SLC25A26: variants seen among roughly 807,000 people sequenced by gnomAD.
SLC25A26 encodes the protein mitochondrial S-adenosylmethionine carrier protein.
SLC25A26 carries 36 observed loss-of-function variants against 37.8 expected under a neutral mutation model. The observed-to-expected ratio is 0.95, with a 90% CI of 0.73 to 1.26. SLC25A26 has a LOEUF of 1.26. Among genes scored for constraint, SLC25A26 ranks in the 50% most tolerant of loss-of-function variants. The pLI, the probability that SLC25A26 is intolerant of heterozygous loss-of-function variation, is 0.00. For synonymous variants in SLC25A26, 129 were observed against 122.5 expected (o/e 1.05, Z -0.35); for missense variants, 390 against 331.1 (o/e 1.18, Z -1.38).
At chr3:66,137,217 C>CTTTTTTT (rs528438794) in intron 1 of SLC25A26, among the ~76,000 whole-genome samples, 2 of 118,838 alleles carry the variant, frequency 1.7e-5, no homozygotes, top group African/African-American at 3.3e-5. Flanking sequence ...GATTTTCTTT[C>CTTTTTTT]TTTTTTTTTT....
At chr3:66,196,839 T>C (rs2071050920) in intron 1 of SLC25A26, among the ~76,000 whole-genome samples, 1 of 152,156 alleles carries the variant, frequency 6.6e-6, no homozygotes, top group East Asian at 1.9e-4. Context: ...AAGAGACACC[T>C]AGAGGACAGA....
intron 5 of SLC25A26, among the ~76,000 whole-genome samples, chr3:66,331,918 T>G (rs997627442): frequency 6.6e-6 from 1 of 151,964 alleles, no homozygotes; most frequent in Non-Finnish European, 1.5e-5. Context: ...CCAAAAAGTT[T>G]TTTGTTTTTT....
intron 3 of SLC25A26, among the ~76,000 whole-genome samples, chr3:66,247,264 T>G (rs2072891445): frequency 7.3e-6 from 1 of 137,124 alleles, no homozygotes; most frequent in Non-Finnish European, 1.5e-5. Flanking sequence ...AATATAAATA[T>G]AAATATATAT....
In SLC25A26 at chr3:66,352,429, T is replaced by G. The variant is rs978211228; in HGVS notation, c.498+6021T>G. ...GCCTAGCGCCTCCCCTCGTTTTTTGTTTTTTGTTTTTTGTTTTTTTTTTTG... is the reference window on the plus strand; with the variant it reads ...GCCTAGCGCCTCCCCTCGTTTTTTGGTTTTTGTTTTTTGTTTTTTTTTTTG... On this transcript the variant is annotated intron_variant, in intron 6 of 9. Coordinates refer to ENST00000354883, the MANE Select transcript of SLC25A26 (RefSeq NM_001379210.1). Among the ~76,000 whole-genome samples the G allele has an allele frequency of 7.1e-5, 9 of 126,348 alleles. 1 individual carries two copies. Among genetic ancestry groups the G allele is most frequent in the African/African-American group, 2.6e-4 (7 of 27,374 alleles). 82.9% of individuals were successfully genotyped at this position (126,348 alleles called of 152,430 possible).
chr3:66,285,930 A>G (rs1467953925), intron 5 of SLC25A26, among the ~76,000 whole-genome samples: 2 of 152,160 alleles, frequency 1.3e-5, no homozygotes, highest in Non-Finnish European at 2.9e-5. Context: ...GCTGTTTCTC[A>G]TAGTGGTTTT....
At chr3:66,253,938 C>T (rs1239549964) in intron 3 of SLC25A26, among the ~76,000 whole-genome samples, 1 of 152,156 alleles carries the variant, frequency 6.6e-6, no homozygotes, top group Non-Finnish European at 1.5e-5. Context: ...ATTCTGTGAA[C>T]AAATTGTAGA....
At chr3:66,230,455 G>T (rs550482745) in intron 1 of SLC25A26, among the ~76,000 whole-genome samples, 3 of 152,058 alleles carry the variant, frequency 2.0e-5, no homozygotes, top group African/African-American at 4.8e-5. Context: ...ATGTATGTAG[G>T]GGGGTGGAGG....
At chr3:66,330,429 A>G (rs2075945572) in intron 5 of SLC25A26, among the ~76,000 whole-genome samples, 3 of 152,108 alleles carry the variant, frequency 2.0e-5, no homozygotes, top group Admixed American at 6.5e-5. Flanking sequence ...TGTTATATAT[A>G]TGTGTGTGCG....
intron 5 of SLC25A26, among the ~76,000 whole-genome samples, chr3:66,313,774 T>C (rs2075451232): frequency 6.6e-6 from 1 of 152,228 alleles, no homozygotes; most frequent in South Asian, 2.1e-4. Flanking sequence ...TATCCATTTG[T>C]TTGTGTCCTC....
chr3:66,301,619 A>G (rs1208788910), intron 5 of SLC25A26, among the ~76,000 whole-genome samples: 1 of 152,246 alleles, frequency 6.6e-6, no homozygotes, highest in Non-Finnish European at 1.5e-5. Flanking sequence ...TTCATTTGGG[A>G]AAAATGCTTC....
chr3:66,199,825 C>T (rs1052133815), intron 1 of SLC25A26, among the ~76,000 whole-genome samples: 2 of 152,132 alleles, frequency 1.3e-5, no homozygotes, highest in Non-Finnish European at 2.9e-5. Context: ...ACACCTGACA[C>T]CTGATCCTTA....
Position 66,157,114 on chromosome 3 carries a change from C to T in SLC25A26, c.-354+23130C>T, listed in dbSNP as rs1212577731. Reference sequence around the variant, plus strand: ...GCCAAGTGTGGTGGCATACAACTGCCGCCCCAGCTGCTTGGAGGCTGAGGT... The same window carrying T: ...GCCAAGTGTGGTGGCATACAACTGCTGCCCCAGCTGCTTGGAGGCTGAGGT... On this transcript the variant is annotated intron_variant, in intron 1 of 10. Coordinates refer to the SLC25A26 transcript ENST00000676754. Among the ~76,000 whole-genome samples, 8 of 152,104 alleles carry T rather than the reference C, an allele frequency of 5.3e-5. No individual in the cohort carries two copies. The East Asian group carries it at 1.4e-3, about 26-fold the overall frequency.
At chr3:66,331,384 A>G (rs530693504) in intron 5 of SLC25A26, among the ~76,000 whole-genome samples, 2 of 152,302 alleles carry the variant, frequency 1.3e-5, no homozygotes, top group African/African-American at 2.4e-5. Context: ...TTCATAAAGC[A>G]TGGCTTTTGT....
At chr3:66,367,936 C>G (rs986232673) in intron 7 of SLC25A26, among the ~76,000 whole-genome samples, 1 of 152,058 alleles carries the variant, frequency 6.6e-6, no homozygotes, top group East Asian at 1.9e-4. Flanking sequence ...TGGCTAAACC[C>G]AAGGGGATTC....
intron 1 of SLC25A26, among the ~76,000 whole-genome samples, chr3:66,164,528 C>G (rs917607908): frequency 2.0e-5 from 3 of 152,030 alleles, no homozygotes; most frequent in African/African-American, 7.2e-5. Context: ...ACAGGCCAGA[C>G]TTGGGATACC....
At position 66,369,462 on chromosome 3, in the gene SLC25A26, G is replaced by C; in HGVS notation, c.569-16G>C. On this transcript the variant is annotated splice_polypyrimidine_tract_variant and intron_variant, in intron 7 of 9. Transcript: ENST00000354883. ...TAAACAGGATCTCACTTGGGTGTTG[G>C]GTATTATTTGTACAGGTGGATTTGC... 6.3e-7 allele frequency: 1 copy of C among 1,596,116 alleles called. No individual in the cohort carries two copies.
chr3:66,269,027 G>A (rs1290301989), intron 5 of SLC25A26, among the ~76,000 whole-genome samples: 2 of 152,180 alleles, frequency 1.3e-5, no homozygotes, highest in African/African-American at 2.4e-5. Flanking sequence ...AGAATGGACT[G>A]ATAAAACACC....
rs988412420 is a variant in SLC25A26 at position 66,236,481 on chromosome 3, G to A, written c.34-63G>A. On this transcript the variant is annotated intron_variant, in intron 1 of 9. Coordinates refer to ENST00000354883, the MANE Select transcript of SLC25A26 (RefSeq NM_001379210.1). ...GTCTTCCTATCTTCGCCCCCAAGTG[G>A]CCGAGAGCTTATTTTGTTGTAACCT... 20 of 1,347,544 alleles carry A rather than the reference G, an allele frequency of 1.5e-5. No individual in the cohort carries two copies. The African/African-American group carries it at 2.4e-4, about 16-fold the overall frequency. 83.5% of individuals were successfully genotyped at this position (1,347,544 alleles called of 1,614,324 possible).
intron 5 of SLC25A26, among the ~76,000 whole-genome samples, chr3:66,313,833 C>T (rs1205976025): frequency 6.6e-6 from 1 of 152,186 alleles, no homozygotes; most frequent in Admixed American, 6.5e-5. Context: ...AGAGATCCTT[C>T]ACGTCCCTTG....
Sources: gnomAD v4.1 joint callset for allele counts (sites outside exome capture counted in the v4.1 genomes callset) on GRCh38, gnomAD v4.1.1 for gene constraint, MANE v1.5 for transcripts, NCBI Gene and HGNC (gene_info 2026-07-23, HGNC 2026-07-21) for gene names.